PPARGC1A: variants seen among roughly 807,000 people sequenced by gnomAD.
PPARGC1A encodes peroxisome proliferator-activated receptor gamma coactivator 1-alpha.
In PPARGC1A, 25 loss-of-function variants were observed where a neutral mutation model predicts 88.7. That is an observed-to-expected ratio of 0.28 (90% CI 0.21 to 0.39). PPARGC1A has a LOEUF of 0.39. Among genes scored for constraint, PPARGC1A ranks in the 10% least tolerant of loss-of-function variants. The pLI, the probability that PPARGC1A is intolerant of heterozygous loss-of-function variation, is 1.00. For synonymous variants in PPARGC1A, 363 were observed against 355.6 expected, an observed-to-expected ratio of 1.02 and a Z score of -0.24; for missense variants, 880 against 968.7, an observed-to-expected ratio of 0.91 and a Z score of 1.22.
the PPARGC1A span, among the ~76,000 whole-genome samples, chr4:23,991,207 A>G: frequency 1.3e-5 from 2 of 152,060 alleles, no homozygotes; most frequent in African/African-American, 4.8e-5. Flanking sequence ...ATTAAGAGAG[A>G]GGGAAAGGCA....
the PPARGC1A span, among the ~76,000 whole-genome samples, chr4:24,442,486 AATTTAAGATCATCCATT>A: frequency 6.6e-6 from 1 of 152,220 alleles, no homozygotes; most frequent in Non-Finnish European, 1.5e-5. Flanking sequence ...ACCCCAGATA[AATTTAAGATCATCCATT>A]TCATTCCTAT....
chr4:24,437,648 G>T, the PPARGC1A span, among the ~76,000 whole-genome samples: 52 of 150,414 alleles, frequency 3.5e-4, no homozygotes, highest in African/African-American at 1.2e-3. Context: ...TTTAGTTTTG[G>T]TTTTTTGGGG....
At chr4:24,374,536 G>T in the PPARGC1A span, among the ~76,000 whole-genome samples, 2 of 150,552 alleles carry the variant, frequency 1.3e-5, no homozygotes, top group Admixed American at 6.6e-5. Flanking sequence ...AAACCTGCAC[G>T]TGTACCCCTG....
chr4:24,289,617 G>A, the PPARGC1A span, among the ~76,000 whole-genome samples: 26 of 152,118 alleles, frequency 1.7e-4, 1 homozygote, highest in Admixed American at 5.2e-4. Flanking sequence ...CTTCTCACTA[G>A]TGATTCCTCA....
the PPARGC1A span, among the ~76,000 whole-genome samples, chr4:24,096,680 A>C: frequency 6.6e-6 from 1 of 152,230 alleles, no homozygotes; most frequent in Non-Finnish European, 1.5e-5. Context: ...GCCTGCAGTC[A>C]TGCAGTTTAG....
chr4:24,173,861 G>A, the PPARGC1A span, among the ~76,000 whole-genome samples: 2 of 152,206 alleles, frequency 1.3e-5, no homozygotes, highest in African/African-American at 4.8e-5. Flanking sequence ...CCACTACAGG[G>A]AGAGCATTTT....
At chr4:24,460,180 A>G in the PPARGC1A span, among the ~76,000 whole-genome samples, 2 of 152,368 alleles carry the variant, frequency 1.3e-5, no homozygotes, top group Admixed American at 6.5e-5. Flanking sequence ...GTAAGGTGCC[A>G]CAGTACAAAT....
the PPARGC1A span, among the ~76,000 whole-genome samples, chr4:24,017,596 G>T: frequency 7.2e-5 from 11 of 152,238 alleles, no homozygotes; most frequent in Non-Finnish European, 1.5e-4. Context: ...AGAAATGGGT[G>T]TCTCAGAAAA....
the PPARGC1A span, among the ~76,000 whole-genome samples, chr4:24,191,295 C>G: frequency 6.6e-6 from 1 of 152,170 alleles, no homozygotes; most frequent in Admixed American, 6.5e-5. Flanking sequence ...ATTTCACATA[C>G]TTGGTCTCTG....
chr4:24,364,396 G>A, the PPARGC1A span, among the ~76,000 whole-genome samples: 1 of 152,152 alleles, frequency 6.6e-6, no homozygotes, highest in African/African-American at 2.4e-5. Flanking sequence ...TACGTTTAAA[G>A]GTGCAAGCAC....
the PPARGC1A span, among the ~76,000 whole-genome samples, chr4:24,378,095 G>A: frequency 6.6e-6 from 1 of 152,182 alleles, no homozygotes; most frequent in East Asian, 1.9e-4. Flanking sequence ...CCAGCACTTT[G>A]GGAGGCTGAG....
At chr4:24,125,162 TA>T in the PPARGC1A span, among the ~76,000 whole-genome samples, 1 of 152,162 alleles carries the variant, frequency 6.6e-6, no homozygotes, top group African/African-American at 2.4e-5. Flanking sequence ...GAGCCCAAGT[TA>T]TATAGAGTCC....
rs573381766 is a variant in PPARGC1A, at chr4:23,887,967, G to C, written c.54+1937C>G. Among the ~76,000 whole-genome samples, 9 of 152,122 alleles carry C rather than the reference G, an allele frequency of 5.9e-5. No homozygotes were observed. In the East Asian group the frequency reaches 1.5e-3, roughly 26 times the overall value. On this transcript the variant is annotated intron_variant, in intron 1 of 12. Transcript: ENST00000264867. ...TCACCTTCATTAAACTGTGAAACAC[G>C]GGGCACTCCAAGTAGCTATAGTGAT...
the PPARGC1A span, among the ~76,000 whole-genome samples, chr4:24,061,823 A>G: frequency 2.1e-4 from 32 of 152,338 alleles, no homozygotes; most frequent in Non-Finnish European, 3.1e-4. Flanking sequence ...TCTACCCAGT[A>G]TGGGTAAAGG....
At chr4:23,908,496 C>T (rs1425022632), upstream of PPARGC1A, among the ~76,000 whole-genome samples, 3 of 139,950 alleles carry the variant, frequency 2.1e-5, no homozygotes, top group African/African-American at 8.5e-5. Flanking sequence ...CACCACCACT[C>T]ATAAGGAGAA....
At chr4:24,234,634 T>A in the PPARGC1A span, among the ~76,000 whole-genome samples, 1 of 152,202 alleles carries the variant, frequency 6.6e-6, no homozygotes, top group Admixed American at 6.5e-5. Flanking sequence ...CTTTGTCTTT[T>A]AAAAAATCAG....
chr4:24,107,227 A>T, the PPARGC1A span, among the ~76,000 whole-genome samples: 1 of 152,358 alleles, frequency 6.6e-6, no homozygotes, highest in Non-Finnish European at 1.5e-5. Flanking sequence ...TACTGTATTC[A>T]CTTGTGTAAC....
the PPARGC1A span, among the ~76,000 whole-genome samples, chr4:24,465,567 G>C: frequency 1.3e-5 from 2 of 152,086 alleles, no homozygotes; most frequent in African/African-American, 2.4e-5. Context: ...GAATACAAGG[G>C]GTAGGTGACC....
At chr4:23,845,592 G>C (rs1728174018) in intron 2 of PPARGC1A, among the ~76,000 whole-genome samples, 1 of 152,138 alleles carries the variant, frequency 6.6e-6, no homozygotes, top group Non-Finnish European at 1.5e-5. Flanking sequence ...AGATCCAAGT[G>C]TGCTCCATGT....
Sources: allele counts gnomAD v4.1 joint callset (sites outside exome capture counted in the v4.1 genomes callset), GRCh38; gene constraint gnomAD v4.1.1; transcripts MANE v1.5; gene names NCBI Gene and HGNC (gene_info 2026-07-23, HGNC 2026-07-21).